Variants in PLXNC1 observed in about 807,000 individuals in gnomAD.
The protein encoded by PLXNC1 is plexin C1, also known as plexin-C1.
A neutral mutation model predicts 178.2 loss-of-function variants in PLXNC1; 75 were observed. The observed-to-expected ratio is 0.42, with a 90% CI of 0.35 to 0.51. The LOEUF (loss-of-function observed/expected upper bound fraction) is 0.51, where lower values mean the gene tolerates loss of function less well. Ranked by LOEUF, PLXNC1 falls within the 20% of genes least tolerant of loss-of-function variation. The pLI, the probability that PLXNC1 is intolerant of heterozygous loss-of-function variation, is 0.02. For synonymous variants in PLXNC1, 790 were observed against 779.9 expected (o/e 1.01, Z -0.22); for missense variants, 1,503 against 1,984.4 (o/e 0.76, Z 4.61).
At chr12:94,171,171 G>T (rs956050877) in intron 2 of PLXNC1, among the ~76,000 whole-genome samples, 3 of 152,122 alleles carry the variant, frequency 2.0e-5, no homozygotes, top group Admixed American at 1.3e-4. Context: ...CCTGCATGCC[G>T]CTGGCCAGCT....
intron 5 of PLXNC1, among the ~76,000 whole-genome samples, chr12:94,214,435 C>T (rs538362633): frequency 4.1e-4 from 63 of 152,236 alleles, no homozygotes; most frequent in African/African-American, 1.4e-3. Context: ...ATTCCACCAT[C>T]GCTAATACTG....
At chr12:94,289,216 A>G (rs922279195) in intron 23 of PLXNC1, among the ~76,000 whole-genome samples, 4 of 152,198 alleles carry the variant, frequency 2.6e-5, no homozygotes, top group African/African-American at 7.2e-5. Flanking sequence ...TATTTTGGAA[A>G]TGACTTAAAG....
chr12:94,184,014 A>G (rs893529204), intron 3 of PLXNC1, among the ~76,000 whole-genome samples: 2 of 152,234 alleles, frequency 1.3e-5, no homozygotes, highest in African/African-American at 4.8e-5. Flanking sequence ...CGGGGCCGCT[A>G]AAAATAATCA....
chr12:94,239,469 C>T (rs1173675299), intron 10 of PLXNC1, among the ~76,000 whole-genome samples: 1 of 152,186 alleles, frequency 6.6e-6, no homozygotes, highest in Non-Finnish European at 1.5e-5. Context: ...CAAACTGACT[C>T]AGATGTTTTT....
chr12:94,221,485 C>T (rs1963794830), intron 6 of PLXNC1, among the ~76,000 whole-genome samples: 1 of 152,070 alleles, frequency 6.6e-6, no homozygotes, highest in South Asian at 2.1e-4. Context: ...TCCTGAGTCT[C>T]TTCGAATGAG....
chr12:94,168,591 G>A (rs1459364390), intron 1 of PLXNC1, among the ~76,000 whole-genome samples: 1 of 152,076 alleles, frequency 6.6e-6, no homozygotes, highest in African/African-American at 2.4e-5. Context: ...CCTACCCATC[G>A]TCCACAACTG....
intron 23 of PLXNC1, among the ~76,000 whole-genome samples, chr12:94,293,445 T>C (rs966899242): frequency 6.6e-6 from 1 of 152,200 alleles, no homozygotes; most frequent in South Asian, 2.1e-4. Context: ...CAGAATACCA[T>C]TGACTGGGTG....
At chr12:94,203,144 A>G (rs918494120) in intron 4 of PLXNC1, among the ~76,000 whole-genome samples, 2 of 152,110 alleles carry the variant, frequency 1.3e-5, no homozygotes, top group Non-Finnish European at 1.5e-5. Flanking sequence ...GAGTTACCCA[A>G]ACTAGCCAAA....
intron 8 of PLXNC1, 46 bp downstream of exon 8, chr12:94,226,753 G>A: frequency 1.5e-6 from 2 of 1,353,296 alleles, no homozygotes; most frequent in Non-Finnish European, 1.1e-6. Context: ...GCCGGGCATG[G>A]TGGCTCACGC....
chr12:94,148,946 T>C lies in PLXNC1; in HGVS notation c.-26T>C. On this transcript the variant is annotated 5_prime_UTR_variant, in exon 1 of 31. Coordinates refer to ENST00000258526, the MANE Select transcript of PLXNC1 (RefSeq NM_005761.3). This position sits in a 1 kb window ranked among gnomAD's most constrained non-coding sequence, Gnocchi z 4.8. ...GAGCCGCCGTCGCCGCCGCGCGCCCTGCCCGGGGGCGGCCCCCCCAGCCCC... is the reference window on the plus strand; with the variant it reads ...GAGCCGCCGTCGCCGCCGCGCGCCCCGCCCGGGGGCGGCCCCCCCAGCCCC... 1 of 1,007,378 alleles carries C rather than the reference T, an allele frequency of 9.9e-7. No individual in the cohort carries two copies. The highest frequency in any genetic ancestry group is 1.3e-6 in the Non-Finnish European group (1 of 791,718). 62.4% of individuals were successfully genotyped at this position (1,007,378 alleles called of 1,614,324 possible).
chr12:94,210,478 A>C (rs571819215), intron 5 of PLXNC1, among the ~76,000 whole-genome samples: 2 of 152,298 alleles, frequency 1.3e-5, no homozygotes, highest in East Asian at 3.9e-4. Context: ...GTTATGAATA[A>C]CTGTACAGCA....
chr12:94,249,995 G>A (rs1264124940), intron 14 of PLXNC1, among the ~76,000 whole-genome samples: 1 of 152,010 alleles, frequency 6.6e-6, no homozygotes, highest in East Asian at 1.9e-4. Flanking sequence ...TGCAACGGTG[G>A]GCAGAAGAGG....
intron 4 of PLXNC1, among the ~76,000 whole-genome samples, chr12:94,195,367 A>G (rs910739277): frequency 8.6e-5 from 13 of 152,036 alleles, no homozygotes; most frequent in Admixed American, 6.5e-4. Context: ...CTCCGAATTC[A>G]TGTACCTCCC....
chr12:94,163,336 C>A (rs967748036), intron 1 of PLXNC1, among the ~76,000 whole-genome samples: 1 of 151,906 alleles, frequency 6.6e-6, no homozygotes, highest in Non-Finnish European at 1.5e-5. Flanking sequence ...CCAGCCTGGG[C>A]GACACAGTGA....
intron 1 of PLXNC1, among the ~76,000 whole-genome samples, chr12:94,153,089 C>T (rs1961019272): frequency 1.3e-5 from 2 of 152,224 alleles, no homozygotes; most frequent in East Asian, 1.9e-4. Context: ...TTCTTTTGAG[C>T]CCCGCATCAA....
At chr12:94,199,141 T>A (rs760123940) in intron 4 of PLXNC1, among the ~76,000 whole-genome samples, 28 of 152,226 alleles carry the variant, frequency 1.8e-4, no homozygotes, top group Non-Finnish European at 3.4e-4. Flanking sequence ...AAGGGGCATC[T>A]GAGCCAAGAC....
At chr12:94,240,780 G>A (rs558550071) in intron 11 of PLXNC1, 116 bp downstream of exon 11, 53 of 810,688 alleles carry the variant, frequency 6.5e-5, no homozygotes, top group African/African-American at 1.0e-4. Context: ...TCCTCTCACC[G>A]AGTTCTCCTT....
At chr12:94,151,454 T>C (rs950640235) in intron 1 of PLXNC1, among the ~76,000 whole-genome samples, 2 of 152,190 alleles carry the variant, frequency 1.3e-5, no homozygotes, top group Non-Finnish European at 1.5e-5. Context: ...TTTTTAAAAA[T>C]ATGTAAAAAC....
intron 21 of PLXNC1, among the ~76,000 whole-genome samples, chr12:94,266,431 T>C (rs1965247627): frequency 6.6e-6 from 1 of 152,196 alleles, no homozygotes; most frequent in Admixed American, 6.5e-5. Flanking sequence ...CTGCATTGGT[T>C]CTCAAACTTG....
Sources: allele counts gnomAD v4.1 joint callset (sites outside exome capture counted in the v4.1 genomes callset), GRCh38; gene constraint gnomAD v4.1.1; non-coding constraint Gnocchi (gnomAD v3.1); transcripts MANE v1.5; gene names NCBI Gene and HGNC (gene_info 2026-07-23, HGNC 2026-07-21).